METTL8: variants seen among roughly 807,000 people sequenced by gnomAD.
METTL8 encodes methyltransferase 8, tRNA N3-cytidine.
METTL8 carries 32 observed loss-of-function variants against 48.7 expected under a neutral mutation model. That is an observed-to-expected ratio of 0.66 (90% CI 0.50 to 0.88). METTL8 has a LOEUF of 0.88. Among genes scored for constraint, METTL8 ranks in the 40% least tolerant of loss-of-function variants. The pLI, the probability that METTL8 is intolerant of heterozygous loss-of-function variation, is 0.00. For missense variants in METTL8, 464 were observed against 474.4 expected, an observed-to-expected ratio of 0.98 and a Z score of 0.20; for synonymous variants, 136 against 157.1, an observed-to-expected ratio of 0.87 and a Z score of 1.01.
At chr2:171,426,555 G>T (rs1243124205) in intron 1 of METTL8, among the ~76,000 whole-genome samples, 3 of 152,128 alleles carry the variant, frequency 2.0e-5, no homozygotes, top group African/African-American at 7.2e-5. Flanking sequence ...TAGCATAAAG[G>T]ATTGATATTC....
At position 171,331,841 on chromosome 2, in the gene METTL8, C is replaced by T; in HGVS notation, c.683G>A (p.Cys228Tyr). 1 of 1,603,402 alleles carries T rather than the reference C, an allele frequency of 6.2e-7. No individual in the cohort carries two copies. The highest frequency in any genetic ancestry group is 8.5e-7 in the Non-Finnish European group (1 of 1,174,628). The change falls in exon 6 of 10, where the codon TGT (cysteine) becomes TAT (tyrosine). Residue 228 changes from cysteine (C) to tyrosine (Y), a missense_variant. By Grantham distance (194) the Cys-to-Tyr change is radical (BLOSUM62 -2). Transcript: ENST00000375258. Reference protein sequence around the residue: ...LENSPESFLYCCDFASGAVEL... With the variant: ...LENSPESFLYYCDFASGAVEL... ...CACAGCTCCAGAAGCAAAATCACAA[C>T]AATACAGAAAGGACTCCGGAGAGTT...
In METTL8 at chr2:171,324,028, G is replaced by T; in HGVS notation, c.*144C>A. 1.5e-6 allele frequency: 1 copy of T among 660,130 alleles called. No individual in the cohort carries two copies. The highest frequency in any genetic ancestry group is 2.5e-6 in the Non-Finnish European group (1 of 398,740). The allele number at this position is 660,130 out of a possible 1,614,324, so 40.9% of individuals were successfully genotyped here. A position where few individuals can be genotyped will look rare whatever the true frequency, so the allele number is the denominator to read the frequency against. Reference sequence around the variant, plus strand: ...TGAACCACTTACATGTGCTTAAAATGCACAAAGGAGCTCACCTATGACAAA... The same window carrying T: ...TGAACCACTTACATGTGCTTAAAATTCACAAAGGAGCTCACCTATGACAAA... On this transcript the variant is annotated 3_prime_UTR_variant, in exon 10 of 10. Transcript: ENST00000375258.
At chr2:171,349,457 C>T (rs1254942872) in intron 3 of METTL8, among the ~76,000 whole-genome samples, 1 of 152,162 alleles carries the variant, frequency 6.6e-6, no homozygotes, top group Admixed American at 6.6e-5. Flanking sequence ...GCATCACGTC[C>T]TCAAGGTCCA....
chr2:171,410,880 T>C (rs574893055), intron 1 of METTL8, among the ~76,000 whole-genome samples: 30 of 152,374 alleles, frequency 2.0e-4, no homozygotes, highest in African/African-American at 7.2e-4. Context: ...TAGTACATAC[T>C]GTAATACCAC....
intron 3 of METTL8, among the ~76,000 whole-genome samples, chr2:171,352,387 A>G (rs1442066171): frequency 6.6e-6 from 1 of 152,176 alleles, no homozygotes; most frequent in African/African-American, 2.4e-5. Flanking sequence ...GGATTTTCAC[A>G]TCAATGTTCA....
At chr2:171,369,287 G>A (rs1415734723) in intron 2 of METTL8, among the ~76,000 whole-genome samples, 1 of 152,072 alleles carries the variant, frequency 6.6e-6, no homozygotes, top group Non-Finnish European at 1.5e-5. Context: ...GCCTGGGCAA[G>A]AGAGCGAGAC....
chr2:171,329,100 C>T (rs766987532), intron 7 of METTL8, among the ~76,000 whole-genome samples: 2 of 152,206 alleles, frequency 1.3e-5, no homozygotes, highest in Non-Finnish European at 2.9e-5. Context: ...ACTCTCCTGC[C>T]TCAGCCTCCC....
chr2:171,356,767 T>C (rs1684586687), intron 3 of METTL8, among the ~76,000 whole-genome samples: 1 of 152,078 alleles, frequency 6.6e-6, no homozygotes, highest in South Asian at 2.1e-4. Context: ...TAATATTCCA[T>C]TGTGTATATA....
Position 171,381,973 on chromosome 2 carries a change from G to A in METTL8, c.143+10070C>T, listed in dbSNP as rs192066776. Among the ~76,000 whole-genome samples the A allele has an allele frequency of 2.2e-4, 33 of 152,038 alleles. 2 individuals are homozygous for A. The highest frequency in any genetic ancestry group is 1.6e-3 in the Admixed American group (24 of 15,256). On this transcript the variant is annotated intron_variant, in intron 2 of 9. Transcript: ENST00000375258. ...ATTTTTTTGTATTTTTAGTAGAGAC[G>A]GGGTTTCACCATGTTGGCCAGGATG...
chr2:171,335,470 G>A (rs561542209), intron 5 of METTL8, among the ~76,000 whole-genome samples: 3 of 152,114 alleles, frequency 2.0e-5, no homozygotes, highest in African/African-American at 7.2e-5. Context: ...TGTCACCCAG[G>A]CTGGAGTGCA....
chr2:171,390,846 GAC>G (rs1688517984), intron 2 of METTL8, among the ~76,000 whole-genome samples: 1 of 152,130 alleles, frequency 6.6e-6, no homozygotes, highest in South Asian at 2.1e-4. Flanking sequence ...AAAGAATTTA[GAC>G]ATAATTTAGA....
chr2:171,354,492 T>G (rs1424350464), intron 3 of METTL8, among the ~76,000 whole-genome samples: 3 of 152,206 alleles, frequency 2.0e-5, no homozygotes, highest in East Asian at 1.9e-4. Context: ...TTTCCTGAAT[T>G]TGAATGTTGG....
At chr2:171,363,176 C>T (rs1473373807) in intron 2 of METTL8, among the ~76,000 whole-genome samples, 6 of 151,132 alleles carry the variant, frequency 4.0e-5, no homozygotes, top group Non-Finnish European at 7.4e-5. Flanking sequence ...TTCTTAACTG[C>T]TAAGTGAGGG....
At chr2:171,352,207 C>T (rs1575802338) in intron 3 of METTL8, among the ~76,000 whole-genome samples, 1 of 152,120 alleles carries the variant, frequency 6.6e-6, no homozygotes, top group Non-Finnish European at 1.5e-5. Flanking sequence ...TTTCTGCATC[C>T]ATTGAGATAA....
upstream of METTL8, chr2:171,434,173 A>C: frequency 2.7e-6 from 1 of 369,190 alleles, no homozygotes; most frequent in Admixed American, 3.0e-5. Context: ...AGGCAGAGGC[A>C]GGGCCGGGCA....
chr2:171,324,664 G>A (rs571270911), intron 9 of METTL8, among the ~76,000 whole-genome samples: 47 of 152,236 alleles, frequency 3.1e-4, no homozygotes, highest in African/African-American at 1.0e-3. Flanking sequence ...AGTTTTTGTT[G>A]GTTTACAGAA....
chr2:171,359,371 T>C (rs1041063209), intron 3 of METTL8, among the ~76,000 whole-genome samples: 1 of 152,152 alleles, frequency 6.6e-6, no homozygotes, highest in Non-Finnish European at 1.5e-5. Context: ...GAATGGATGC[T>C]GGTGAGGATG....
chr2:171,358,722 G>C (rs1428892015), intron 3 of METTL8, among the ~76,000 whole-genome samples: 1 of 152,034 alleles, frequency 6.6e-6, no homozygotes, highest in African/African-American at 2.4e-5. Flanking sequence ...AAAACATTGG[G>C]GGAAATGCTC....
rs1683481130 is a variant in METTL8, at chr2:171,348,105, T to C, written c.236-8551A>G. On this transcript the variant is annotated intron_variant, in intron 3 of 9. Transcript: ENST00000375258. Reference sequence around the variant, plus strand: ...CCCCAACTACTGTTGCTTCAAACTTTGGCCTCAATTTGTAGACTAAAGTCA... The same window carrying C: ...CCCCAACTACTGTTGCTTCAAACTTCGGCCTCAATTTGTAGACTAAAGTCA... Among the ~76,000 whole-genome samples, 5 of 152,320 alleles carry C rather than the reference T, an allele frequency of 3.3e-5. No individual in the cohort carries two copies. The South Asian group carries it at 1.0e-3, about 32-fold the overall frequency.
Sources: gnomAD v4.1 joint callset for allele counts (sites outside exome capture counted in the v4.1 genomes callset) on GRCh38, gnomAD v4.1.1 for gene constraint, MANE v1.5 for transcripts, NCBI Gene and HGNC (gene_info 2026-07-23, HGNC 2026-07-21) for gene names.